The following GRIN2B variants were observed in gnomAD, a reference collection of about 807,000 sequenced individuals.
GRIN2B encodes glutamate ionotropic receptor NMDA type subunit 2B, also known as glutamate receptor ionotropic, NMDA 2B.
Under a neutral mutation model 114.5 loss-of-function variants are expected in GRIN2B, and 5 were observed. The ratio of observed to expected loss-of-function variants is 0.04; its 90% confidence interval spans 0.02 to 0.09. GRIN2B has a LOEUF of 0.09. Ranked by LOEUF, GRIN2B falls within the 10% of genes least tolerant of loss-of-function variation. The pLI is 1.00. For synonymous variants in GRIN2B, 787 were observed against 745.1 expected (o/e 1.06, Z -0.92); for missense variants, 1,108 against 1,943.5 (o/e 0.57, Z 8.08).
intron 2 of GRIN2B, among the ~76,000 whole-genome samples, chr12:13,893,099 G>A (rs1866290797): frequency 6.6e-6 from 1 of 152,264 alleles, no homozygotes; most frequent in Admixed American, 6.5e-5. Context: ...ATTGATCAAT[G>A]ACTAGCACTT....
At chr12:13,894,659 T>C (rs1301415931) in intron 2 of GRIN2B, among the ~76,000 whole-genome samples, 1 of 152,120 alleles carries the variant, frequency 6.6e-6, no homozygotes, top group African/African-American at 2.4e-5. Context: ...CAGAAAAAAT[T>C]ATTAAAGTTA....
intron 3 of GRIN2B, among the ~76,000 whole-genome samples, chr12:13,785,599 A>G (rs1184802866): frequency 6.6e-6 from 1 of 152,154 alleles, no homozygotes; most frequent in Non-Finnish European, 1.5e-5. Flanking sequence ...AAAGCCTCCA[A>G]TTCTAAAAAG....
chr12:13,563,662 C>T lies in GRIN2B; in HGVS notation c.3576G>A (p.Gly1192=). ...GTGDKHGVVS[G]VPAPWEKNLT... Reference sequence around the variant, plus strand: ...GGTTCTTCTCCCAAGGTGCAGGTACCCCGCTGACCACGCCGTGTTTGTCGC... The same window carrying T: ...GGTTCTTCTCCCAAGGTGCAGGTACTCCGCTGACCACGCCGTGTTTGTCGC... The change falls in exon 14 of 14, where the codon GGG becomes GGA. Residue 1192 remains glycine (G), a synonymous_variant. Coordinates refer to ENST00000609686, the MANE Select transcript of GRIN2B (RefSeq NM_000834.5). The T allele has an allele frequency of 6.2e-7, 1 of 1,613,672 alleles. No individual in the cohort carries two copies. The highest frequency in any genetic ancestry group is 8.5e-7 in the Non-Finnish European group (1 of 1,180,008).
At chr12:13,709,335 G>T (rs1950393472) in intron 4 of GRIN2B, among the ~76,000 whole-genome samples, 1 of 151,666 alleles carries the variant, frequency 6.6e-6, no homozygotes, top group East Asian at 1.9e-4. Flanking sequence ...CAATTGACAG[G>T]CCCCCAACAT....
intron 3 of GRIN2B, among the ~76,000 whole-genome samples, chr12:13,761,795 G>A (rs989530241): frequency 6.6e-6 from 1 of 152,044 alleles, no homozygotes; most frequent in Non-Finnish European, 1.5e-5. Context: ...AAGGGAAGAA[G>A]GCAGGAAAAT....
At chr12:13,949,538 G>A (rs557643926) in intron 2 of GRIN2B, among the ~76,000 whole-genome samples, 1 of 152,124 alleles carries the variant, frequency 6.6e-6, no homozygotes, top group Non-Finnish European at 1.5e-5. Context: ...CAAAGCCACC[G>A]ACATAAGGTG....
At chr12:13,572,448 G>A (rs1189492266) in intron 10 of GRIN2B, among the ~76,000 whole-genome samples, 1 of 152,164 alleles carries the variant, frequency 6.6e-6, no homozygotes, top group African/African-American at 2.4e-5. Context: ...AAGATAATTT[G>A]TTGAGTATCA....
At chr12:13,732,179 A>T (rs1183158953) in intron 4 of GRIN2B, among the ~76,000 whole-genome samples, 2 of 151,694 alleles carry the variant, frequency 1.3e-5, no homozygotes, top group African/African-American at 4.8e-5. Flanking sequence ...TTTGGATGAG[A>T]AAACAGAGCT....
chr12:13,641,001 C>A (rs74067243), intron 5 of GRIN2B, among the ~76,000 whole-genome samples: 1 of 152,126 alleles, frequency 6.6e-6, no homozygotes, highest in Admixed American at 6.5e-5. Context: ...AACTTCGGAA[C>A]CATAGTTTTC....
At chr12:13,665,395 G>A (rs935821937) in intron 5 of GRIN2B, among the ~76,000 whole-genome samples, 2 of 152,052 alleles carry the variant, frequency 1.3e-5, no homozygotes, top group East Asian at 1.9e-4. Flanking sequence ...TTCTTAACAC[G>A]TAGTTTTAAA....
intron 3 of GRIN2B, among the ~76,000 whole-genome samples, chr12:13,778,995 TC>T (rs572565994): frequency 6.6e-4 from 101 of 152,292 alleles, no homozygotes; most frequent in African/African-American, 2.2e-3. Flanking sequence ...ATAACCAGCT[TC>T]CTTTCCTTAA....
intron 3 of GRIN2B, among the ~76,000 whole-genome samples, chr12:13,856,771 C>T (rs1865667868): frequency 6.6e-6 from 1 of 152,108 alleles, no homozygotes; most frequent in South Asian, 2.1e-4. Flanking sequence ...CTCCCCTTTC[C>T]ACTGTTCACT....
chr12:13,721,354 A>T (rs1372412794), intron 4 of GRIN2B, among the ~76,000 whole-genome samples: 1 of 151,320 alleles, frequency 6.6e-6, no homozygotes, highest in African/African-American at 2.4e-5. Flanking sequence ...GATTTCCTTA[A>T]AAAAAAAAAT....
Position 13,560,162 on chromosome 12 carries a change from G to C in GRIN2B, c.*2621C>G, listed in dbSNP as rs1948523522. On this transcript the variant is annotated 3_prime_UTR_variant, in exon 14 of 14. Transcript: ENST00000609686. ...ACCAGTAAGAAGACTGGTTTTCTGG[G>C]GGGGATGGACACAATTACTTTCCCC... 6.6e-6 allele frequency: 1 copy of C among 152,230 alleles called. No homozygotes were observed. The highest frequency in any genetic ancestry group is 1.9e-4 in the East Asian group (1 of 5,180). 9.4% of individuals were successfully genotyped at this position (152,230 alleles called of 1,614,324 possible). A position where few individuals can be genotyped will look rare whatever the true frequency, so the allele number is the denominator to read the frequency against.
Position 13,551,599 on chromosome 12 carries a change from C to G in GRIN2B, c.*11184G>C, listed in dbSNP as rs376545965. ...CTCTTTATCCCATTCTAAATGAACA[C>G]TTTCATCTACCATAACATGATTGAC... is the stretch of plus-strand genomic sequence containing the variant. On this transcript the variant is annotated 3_prime_UTR_variant, in exon 14 of 14. Coordinates refer to ENST00000609686, the MANE Select transcript of GRIN2B (RefSeq NM_000834.5). 3 of 152,156 alleles carry G rather than the reference C, an allele frequency of 2.0e-5. No homozygotes were observed. The highest frequency in any genetic ancestry group is 1.9e-4 in the East Asian group (1 of 5,200). 9.4% of individuals were successfully genotyped at this position (152,156 alleles called of 1,614,324 possible). A position where few individuals can be genotyped will look rare whatever the true frequency, so the allele number is the denominator to read the frequency against.
At chr12:13,873,503 A>G (rs1865945378) in intron 2 of GRIN2B, among the ~76,000 whole-genome samples, 1 of 152,188 alleles carries the variant, frequency 6.6e-6, no homozygotes, top group African/African-American at 2.4e-5. Context: ...AAAGGCACCA[A>G]TCTTTGATTT....
intron 10 of GRIN2B, among the ~76,000 whole-genome samples, chr12:13,606,349 G>A (rs888147): frequency 0.99 from 151,314 of 152,286 alleles, 75,179 homozygotes; most frequent in Middle Eastern, 1. Context: ...TGCGGAGATC[G>A]TATGGCAAGA....
At chr12:13,825,496 T>TTTTTTTTTTTGTGTG (rs375940899) in intron 3 of GRIN2B, among the ~76,000 whole-genome samples, 12 of 122,996 alleles carry the variant, frequency 9.8e-5, no homozygotes, top group African/African-American at 3.1e-4. Context: ...TATATATATT[T>TTTTTTTTTTTGTGTG]TGTGTGTGTG....
intron 3 of GRIN2B, among the ~76,000 whole-genome samples, chr12:13,773,500 A>C (rs111497664): frequency 0.03 from 4,499 of 152,330 alleles, 106 homozygotes; most frequent in Middle Eastern, 0.058. Context: ...AGAAGTCTAC[A>C]TCTTCCCAAA....
Sources: gnomAD v4.1 joint callset for allele counts (sites outside exome capture counted in the v4.1 genomes callset) on GRCh38, gnomAD v4.1.1 for gene constraint, MANE v1.5 for transcripts, NCBI Gene and HGNC (gene_info 2026-07-23, HGNC 2026-07-21) for gene names.